The following SP140L variants were observed in gnomAD, a reference collection of about 807,000 sequenced individuals.
SP140L encodes SP140 like nuclear body protein.
A neutral mutation model predicts 84.3 loss-of-function variants in SP140L; 64 were observed. The ratio of observed to expected loss-of-function variants is 0.76; its 90% CI spans 0.62 to 0.94. SP140L has a LOEUF of 0.94. Among genes scored for constraint, SP140L ranks in the 40% least tolerant of loss-of-function variants. SP140L has a pLI of 0.00. For synonymous variants in SP140L, 242 were observed against 236.9 expected, an observed-to-expected ratio of 1.02 and a Z score of -0.20; for missense variants, 628 against 692.5, an observed-to-expected ratio of 0.91 and a Z score of 1.05.
At chr2:230,339,942 T>C (rs372666655) in intron 2 of SP140L, among the ~76,000 whole-genome samples, 17,359 of 150,050 alleles carry the variant, frequency 0.12, 1,019 homozygotes, top group Middle Eastern at 0.15. Context: ...GGAATAGGTG[T>C]GGTGCTGAAA....
At chr2:230,368,963 G>A (rs2060970728) in intron 5 of SP140L, among the ~76,000 whole-genome samples, 2 of 152,084 alleles carry the variant, frequency 1.3e-5, no homozygotes, top group South Asian at 4.2e-4. Context: ...CATTGCTTTG[G>A]GGTGAGCTAT....
At chr2:230,389,880 T>C in intron 10 of SP140L, 39 bp from the exon 11 acceptor site, 1 of 1,603,512 alleles carries the variant, frequency 6.2e-7, no homozygotes, top group Non-Finnish European at 8.5e-7. Flanking sequence ...GGATGTGCCT[T>C]TGCAAAGTGA....
At chr2:230,363,286 A>C (rs997985367) in intron 5 of SP140L, among the ~76,000 whole-genome samples, 1 of 152,174 alleles carries the variant, frequency 6.6e-6, no homozygotes, top group African/African-American at 2.4e-5. Context: ...TTCCATTAAC[A>C]GTGTACAAGA....
At chr2:230,393,141 T>C (rs2061895680) in intron 12 of SP140L, among the ~76,000 whole-genome samples, 1 of 152,088 alleles carries the variant, frequency 6.6e-6, no homozygotes, top group African/African-American at 2.4e-5. Flanking sequence ...AAAGAAGTGA[T>C]AGATGGTATG....
chr2:230,402,798 T>A lies in SP140L; in HGVS notation c.1645T>A (p.Tyr549Asn), dbSNP rs201019412. 1.2e-6 allele frequency: 2 copies of A among 1,610,902 alleles called. No individual in the cohort carries two copies. The highest frequency in any genetic ancestry group is 1.7e-6 in the Non-Finnish European group (2 of 1,178,500). The change falls in exon 19 of 19, where the codon TAT becomes AAT. Residue 549 changes from tyrosine (Y) to asparagine (N), a missense_variant and splice_region_variant. Tyr to Asn is a moderately radical substitution (Grantham distance 143). Coordinates refer to ENST00000415673, the MANE Select transcript of SP140L (RefSeq NM_138402.6). The part of the protein sequence containing the change: ...IFQNHRASYK[Y>N]KDFGQMGLRL... ...TTTTGTCTTTATTACTTTTTTCCAG[T>A]ATAAGGATTTTGGCCAAATGGGACT...
chr2:230,354,833 CAAGAAAGAAAGAAAGGA>C, intron 2 of SP140L, among the ~76,000 whole-genome samples: 1 of 34,990 alleles, frequency 2.9e-5, no homozygotes, highest in South Asian at 7.4e-4. Context: ...AAGAAAGAGA[CAAGAAAGAAAGAAAGGA>C]AAGAAAGAAA....
chr2:230,357,781 T>C (rs2060592656), intron 2 of SP140L, 24 bp from the exon 3 acceptor site: 1 of 1,587,088 alleles, frequency 6.3e-7, no homozygotes, highest in African/African-American at 1.4e-5. Context: ...ATGACCATTT[T>C]CATTTGGTGT....
intron 13 of SP140L, among the ~76,000 whole-genome samples, chr2:230,394,590 A>G (rs541090328): frequency 6.6e-6 from 1 of 152,360 alleles, no homozygotes; most frequent in East Asian, 1.9e-4. Flanking sequence ...CCCAGGTGCC[A>G]AGAGTAACTC....
At chr2:230,374,058 G>A (rs969131670) in intron 7 of SP140L, among the ~76,000 whole-genome samples, 3 of 152,210 alleles carry the variant, frequency 2.0e-5, no homozygotes, top group African/African-American at 7.2e-5. Flanking sequence ...GTTCCCACCT[G>A]TAATCCCAGC....
chr2:230,374,631 A>G (rs2061185554), intron 7 of SP140L, among the ~76,000 whole-genome samples: 1 of 152,318 alleles, frequency 6.6e-6, no homozygotes, highest in Middle Eastern at 3.4e-3. Flanking sequence ...GTCTTATTTT[A>G]AGAAATTGTC....
intron 2 of SP140L, among the ~76,000 whole-genome samples, chr2:230,335,817 T>C (rs556089473): frequency 6.6e-6 from 1 of 152,222 alleles, no homozygotes; most frequent in Admixed American, 6.5e-5. Flanking sequence ...TTCTTCCCTA[T>C]AAAATGATGG....
At chr2:230,402,765 A>C (rs1158739726) in intron 18 of SP140L, 33 bp from the exon 19 acceptor site, 1 of 1,526,662 alleles carries the variant, frequency 6.6e-7, no homozygotes, top group Non-Finnish European at 9.1e-7. Context: ...AATGATAAGG[A>C]ACATCGTTTT....
At chr2:230,402,327 A>G (rs1409104081) in intron 18 of SP140L, among the ~76,000 whole-genome samples, 1 of 152,240 alleles carries the variant, frequency 6.6e-6, no homozygotes, top group African/African-American at 2.4e-5. Context: ...CCACTGAAAT[A>G]AGCAACCAAA....
chr2:230,389,916 C>G lies in SP140L; in HGVS notation c.860-3C>G. 1 of 1,613,346 alleles carries G rather than the reference C, an allele frequency of 6.2e-7. No homozygotes were observed. The stretch of plus-strand genomic sequence containing the variant: ...GACAGAATGAAGAAATCCTCTCTTT[C>G]AGCTTCAAGAAAGCACAAAGATGAA... On this transcript the variant is annotated splice_region_variant and splice_polypyrimidine_tract_variant and intron_variant, in intron 10 of 18. Coordinates refer to ENST00000415673, the MANE Select transcript of SP140L (RefSeq NM_138402.6).
intron 2 of SP140L, among the ~76,000 whole-genome samples, chr2:230,353,913 A>G (rs1030796889): frequency 4.0e-4 from 61 of 152,198 alleles, no homozygotes; most frequent in African/African-American, 1.4e-3. Flanking sequence ...TTTCAAATTC[A>G]TTGTTTAATC....
intron 2 of SP140L, among the ~76,000 whole-genome samples, chr2:230,354,867 AAG>A (rs1491575436): frequency 1.4e-5 from 2 of 139,520 alleles, no homozygotes; most frequent in African/African-American, 5.3e-5. Context: ...GAAAGAAAGA[AAG>A]AAAGAAAGAA....
intron 7 of SP140L, among the ~76,000 whole-genome samples, chr2:230,377,504 A>G (rs1317333421): frequency 6.6e-6 from 1 of 152,166 alleles, no homozygotes; most frequent in Non-Finnish European, 1.5e-5. Context: ...GCTGAGAAGT[A>G]TTTCTTTATA....
At chr2:230,338,341 A>AT (rs1370738263) in intron 2 of SP140L, among the ~76,000 whole-genome samples, 1 of 106,742 alleles carries the variant, frequency 9.4e-6, no homozygotes, top group Non-Finnish European at 1.9e-5. Flanking sequence ...TTGTACATTG[A>AT]TTTTGTATCC....
At chr2:230,359,207 C>G (rs752357654) in intron 4 of SP140L, 75 bp downstream of exon 4, 6 of 1,292,824 alleles carry the variant, frequency 4.6e-6, no homozygotes, top group Non-Finnish European at 6.7e-6. Context: ...GAGCTCCTAC[C>G]ATGTGCGATA....
Sources: gnomAD v4.1 joint callset for allele counts (sites outside exome capture counted in the v4.1 genomes callset) on GRCh38, gnomAD v4.1.1 for gene constraint, MANE v1.5 for transcripts, NCBI Gene and HGNC (gene_info 2026-07-23, HGNC 2026-07-21) for gene names.